THSD4: variants seen among roughly 807,000 people sequenced by gnomAD.
THSD4 encodes the protein thrombospondin type 1 domain containing 4, also known as thrombospondin type-1 domain-containing protein 4.
In THSD4, 69 loss-of-function variants were observed where a neutral mutation model predicts 119.0. The ratio of observed to expected loss-of-function variants is 0.58; its 90% CI spans 0.48 to 0.71. THSD4 has a LOEUF of 0.71. Ranked by LOEUF, THSD4 falls within the 30% of genes least tolerant of loss-of-function variation. The pLI, the probability that THSD4 is intolerant of heterozygous loss-of-function variation, is 0.00. For missense variants in THSD4, 1,393 were observed against 1,391.1 expected, an observed-to-expected ratio of 1.00 and a Z score of -0.02; for synonymous variants, 524 against 540.4, an observed-to-expected ratio of 0.97 and a Z score of 0.42.
intron 6 of THSD4, among the ~76,000 whole-genome samples, chr15:71,372,522 G>A (rs143915926): frequency 6.6e-6 from 1 of 152,256 alleles, no homozygotes; most frequent in Non-Finnish European, 1.5e-5. Flanking sequence ...CTGCAGGTCT[G>A]TTGGAGTTTG....
intron 8 of THSD4, among the ~76,000 whole-genome samples, chr15:71,665,162 T>C (rs1288034398): frequency 1.3e-5 from 2 of 152,220 alleles, no homozygotes; most frequent in Admixed American, 6.5e-5. Flanking sequence ...ATCTGTTCTT[T>C]TTTGACTTTT....
chr15:71,737,136 A>G lies in THSD4; in HGVS notation c.1631-596A>G, dbSNP rs1258723285. 2.0e-5 allele frequency among the ~76,000 whole-genome samples: 3 copies of G among 152,368 alleles called. No homozygotes were observed. In the East Asian group the frequency reaches 5.8e-4, roughly 29 times the overall value. ...TTTGTGTCTGTTTGCTATTTCAAAT[A>G]ATACCTCAGTAACCATACCTGTATA... On this transcript the variant is annotated intron_variant, in intron 10 of 17. Transcript: ENST00000261862.
chr15:71,364,997 T>G (rs2045937883), intron 6 of THSD4, among the ~76,000 whole-genome samples: 1 of 152,156 alleles, frequency 6.6e-6, no homozygotes, highest in South Asian at 2.1e-4. Flanking sequence ...ATCCTAAGAA[T>G]TCTATTGTTT....
intron 1 of THSD4, among the ~76,000 whole-genome samples, chr15:71,098,213 T>TG (rs367626009): frequency 2.6e-3 from 331 of 128,892 alleles, no homozygotes; most frequent in South Asian, 7.0e-3. Flanking sequence ...TTTTTTTTTT[T>TG]GGGGGGAGAG....
intron 6 of THSD4, among the ~76,000 whole-genome samples, chr15:71,391,178 G>A (rs1004054216): frequency 1.1e-4 from 16 of 151,956 alleles, no homozygotes; most frequent in African/African-American, 3.9e-4. Flanking sequence ...ACAGGCTCCC[G>A]CCACCACGCC....
intron 6 of THSD4, among the ~76,000 whole-genome samples, chr15:71,320,118 A>G (rs1011414016): frequency 6.6e-6 from 1 of 152,200 alleles, no homozygotes; most frequent in South Asian, 2.1e-4. Flanking sequence ...GGTTACCCCT[A>G]GGTGAACTTC....
chr15:71,600,947 A>C (rs1180224182), intron 7 of THSD4, among the ~76,000 whole-genome samples: 1 of 151,954 alleles, frequency 6.6e-6, no homozygotes, highest in Non-Finnish European at 1.5e-5. Flanking sequence ...AGATTTCACC[A>C]TGTTGGTCAG....
intron 7 of THSD4, among the ~76,000 whole-genome samples, chr15:71,451,031 G>C (rs973414701): frequency 1.3e-5 from 2 of 152,114 alleles, no homozygotes; most frequent in African/African-American, 2.4e-5. Flanking sequence ...TGCAGAGATT[G>C]GCCAGACATG....
chr15:71,308,721 C>A (rs988930801), intron 6 of THSD4, among the ~76,000 whole-genome samples: 1 of 152,154 alleles, frequency 6.6e-6, no homozygotes, highest in Non-Finnish European at 1.5e-5. Flanking sequence ...TGAATATTCA[C>A]GTGCAAGTTA....
chr15:71,559,889 G>A (rs369325729), intron 7 of THSD4, among the ~76,000 whole-genome samples: 1 of 152,000 alleles, frequency 6.6e-6, no homozygotes, highest in Non-Finnish European at 1.5e-5. Flanking sequence ...GTTACTTCTT[G>A]AGAAAATTTA....
chr15:71,645,805 T>C (rs1297472336), intron 7 of THSD4, among the ~76,000 whole-genome samples: 2 of 152,222 alleles, frequency 1.3e-5, no homozygotes, highest in African/African-American at 4.8e-5. Flanking sequence ...ACTCAAAGCT[T>C]CTGGGAAATT....
At chr15:71,723,900 T>C (rs1290302701) in intron 8 of THSD4, among the ~76,000 whole-genome samples, 1 of 151,752 alleles carries the variant, frequency 6.6e-6, no homozygotes, top group East Asian at 2.0e-4. Context: ...GAAACCCCCA[T>C]CTCTACAAAA....
At position 71,695,359 on chromosome 15, in the gene THSD4, A is replaced by G. The variant is rs918572143; in HGVS notation, c.1358-33190A>G. ...TATGTGTGTGTGTGTTTGTGTATGT[A>G]TGAGTGTGTGTGTATGTATGTGTGT... On this transcript the variant is annotated intron_variant, in intron 8 of 17. Coordinates refer to ENST00000261862, the MANE Select transcript of THSD4 (RefSeq NM_024817.3). Among the ~76,000 whole-genome samples the G allele has an allele frequency of 2.0e-5, 3 of 151,124 alleles. No individual in the cohort carries two copies. The South Asian group carries it at 6.5e-4, about 33-fold the overall frequency.
chr15:71,170,901 A>G (rs548765868), intron 3 of THSD4, among the ~76,000 whole-genome samples: 4 of 152,336 alleles, frequency 2.6e-5, no homozygotes, highest in Non-Finnish European at 4.4e-5. Context: ...GAGATGAAAA[A>G]TATACTGGAT....
At chr15:71,667,130 T>C (rs149783838) in intron 8 of THSD4, among the ~76,000 whole-genome samples, 3 of 152,368 alleles carry the variant, frequency 2.0e-5, no homozygotes, top group African/African-American at 4.8e-5. Flanking sequence ...CTCCAAAATA[T>C]AGACTGTTTC....
intron 6 of THSD4, among the ~76,000 whole-genome samples, chr15:71,348,817 A>C (rs539253817): frequency 6.6e-6 from 1 of 152,262 alleles, no homozygotes; most frequent in Non-Finnish European, 1.5e-5. Context: ...ACAAGGAGTT[A>C]CATAAATGTT....
intron 1 of THSD4, among the ~76,000 whole-genome samples, chr15:71,120,268 A>G (rs1386482738): frequency 6.6e-6 from 1 of 152,104 alleles, no homozygotes; most frequent in Non-Finnish European, 1.5e-5. Flanking sequence ...TGCCCAAAGA[A>G]GAACCCATGG....
Position 71,691,014 on chromosome 15 carries a change from G to A in THSD4, c.1357+30280G>A, listed in dbSNP as rs149551357. 7.4e-3 allele frequency among the ~76,000 whole-genome samples: 1,125 copies of A among 152,318 alleles called. 15 individuals are homozygous for A. Among genetic ancestry groups the A allele is most frequent in the African/African-American group, 0.026 (1,072 of 41,570 alleles). ...TGGAAAGATTACCCTGGATTATCCA[G>A]GTGAGTCCAGTGTAACCACAAGGGT... On this transcript the variant is annotated intron_variant, in intron 8 of 17. Transcript: ENST00000261862.
intron 7 of THSD4, among the ~76,000 whole-genome samples, chr15:71,480,161 C>T (rs1010217610): frequency 4.6e-5 from 7 of 152,202 alleles, no homozygotes. Context: ...CCAAGCCTCC[C>T]AAGTAGCTGG....
Sources: allele counts gnomAD v4.1 joint callset (sites outside exome capture counted in the v4.1 genomes callset), GRCh38; gene constraint gnomAD v4.1.1; transcripts MANE v1.5; gene names NCBI Gene and HGNC (gene_info 2026-07-23, HGNC 2026-07-21).